NGLY1: variants seen among roughly 807,000 people sequenced by gnomAD.
NGLY1 encodes peptide-N(4)-(N-acetyl-beta-glucosaminyl)asparagine amidase.
A neutral mutation model predicts 84.6 loss-of-function variants in NGLY1; 68 were observed. The observed-to-expected ratio is 0.80, with a 90% CI of 0.66 to 0.98. The LOEUF (loss-of-function observed/expected upper bound fraction) is 0.98, where lower values mean the gene tolerates loss of function less well. NGLY1 is among the 50% of genes least tolerant of loss of function. The pLI is 0.00. For synonymous variants in NGLY1, 280 were observed against 275.2 expected, an observed-to-expected ratio of 1.02 and a Z score of -0.17; for missense variants, 779 against 770.2, an observed-to-expected ratio of 1.01 and a Z score of -0.14.
chr3:25,789,772 T>C, intron 1 of NGLY1: 1 of 1,395,690 alleles, frequency 7.2e-7, no homozygotes, highest in South Asian at 1.2e-5. Flanking sequence ...TCCAGTAGAA[T>C]ACGATGGTGT....
At chr3:25,748,605 C>T (rs1260292195) in intron 4 of NGLY1, among the ~76,000 whole-genome samples, 2 of 152,084 alleles carry the variant, frequency 1.3e-5, no homozygotes, top group African/African-American at 2.4e-5. Flanking sequence ...GAAACTGAGT[C>T]ATAGAGATTA....
In NGLY1 at chr3:25,739,639, C is replaced by T; in HGVS notation, c.819G>A (p.Trp273Ter). The T allele has an allele frequency of 6.2e-7, 1 of 1,614,106 alleles. No individual in the cohort carries two copies. The highest frequency in any genetic ancestry group is 2.2e-5 in the East Asian group (1 of 44,874). Residue 273 changes from tryptophan to a stop codon, truncating the protein, a stop_gained, in exon 5 of 12, where the codon TGG becomes TGA. Coordinates refer to ENST00000280700, the MANE Select transcript of NGLY1 (RefSeq NM_018297.4). LOFTEE classifies it high-confidence loss of function. ...AATGATCTTCCACTTCCTTTGCACC[C>T]CACTTCAGCTCATCATCACTGGGCA... ...SLLPSDDELK[W>*]GAKEVEDHYC...
At chr3:25,720,944 C>A (rs755915437) in intron 10 of NGLY1, among the ~76,000 whole-genome samples, 1 of 133,992 alleles carries the variant, frequency 7.5e-6, no homozygotes, top group Non-Finnish European at 1.7e-5. Context: ...TGAATTCCCA[C>A]AAAATTCTAT....
At chr3:25,777,073 A>T (rs941534821) in intron 2 of NGLY1, among the ~76,000 whole-genome samples, 3 of 152,198 alleles carry the variant, frequency 2.0e-5, no homozygotes, top group Non-Finnish European at 4.4e-5. Flanking sequence ...AGCAAGCTAG[A>T]ATAATCTTCA....
chr3:25,747,070 A>G (rs1258178844), intron 4 of NGLY1, among the ~76,000 whole-genome samples: 1 of 152,238 alleles, frequency 6.6e-6, no homozygotes, highest in Admixed American at 6.5e-5. Context: ...ATAATGTTTT[A>G]AAAATTATAC....
chr3:25,789,965 GA>G, exon 1 of NGLY1: 2 of 1,435,580 alleles, frequency 1.4e-6, no homozygotes, highest in Non-Finnish European at 1.9e-6. Flanking sequence ...CCCACGGTCT[GA>G]CCTCAGCCAA....
chr3:25,781,395 C>T (rs1022005953), intron 1 of NGLY1, among the ~76,000 whole-genome samples: 2 of 152,112 alleles, frequency 1.3e-5, no homozygotes, highest in African/African-American at 4.8e-5. Context: ...GTAAACTGAC[C>T]GTGGTTTTGT....
At chr3:25,755,565 G>T (rs1706996862) in intron 3 of NGLY1, 2 of 1,434,778 alleles carry the variant, frequency 1.4e-6, no homozygotes, top group East Asian at 4.5e-5. Flanking sequence ...CTCAATGATT[G>T]GGCCCAAAAA....
upstream of NGLY1, among the ~76,000 whole-genome samples, chr3:25,786,477 T>C (rs1708605966): frequency 6.6e-6 from 1 of 152,220 alleles, no homozygotes; most frequent in African/African-American, 2.4e-5. Context: ...ACCCATTCTT[T>C]GGTTGTTTGA....
chr3:25,781,596 C>T (rs761202608), intron 1 of NGLY1, among the ~76,000 whole-genome samples: 1 of 152,128 alleles, frequency 6.6e-6, no homozygotes, highest in Non-Finnish European at 1.5e-5. Flanking sequence ...ATTGTCACAC[C>T]CCTCATCTTT....
At chr3:25,739,844 A>T (rs761123951) in intron 4 of NGLY1, 45 bp from the exon 5 acceptor site, 1 of 1,378,970 alleles carries the variant, frequency 7.3e-7, no homozygotes, top group East Asian at 2.3e-5. Flanking sequence ...AACTGACAAA[A>T]TTTAAACTAT....
chr3:25,734,866 G>A, intron 7 of NGLY1: 2 of 905,386 alleles, frequency 2.2e-6, no homozygotes, highest in Non-Finnish European at 2.6e-6. Flanking sequence ...AAATTTATCT[G>A]CAAAGCTGAT....
Position 25,755,704 on chromosome 3 carries a change from A to G in NGLY1, c.493-4441T>C, listed in dbSNP as rs1707004741. The G allele has an allele frequency of 8.9e-6, 12 of 1,355,304 alleles. No homozygotes were observed. In the South Asian group the frequency reaches 1.6e-4, roughly 19 times the overall value. 84.0% of individuals were successfully genotyped at this position (1,355,304 alleles called of 1,614,324 possible). A position where few individuals can be genotyped will look rare whatever the true frequency, so the allele number is the denominator to read the frequency against. On this transcript the variant is annotated intron_variant, in intron 3 of 11. Coordinates refer to ENST00000280700, the MANE Select transcript of NGLY1 (RefSeq NM_018297.4). The stretch of plus-strand genomic sequence containing the variant: ...AGGAATTATAGTCTAGTCTAGATGC[A>G]TTTCAAAAGGAAAGCTGGTTTTGAG...
chr3:25,728,079 A>G (rs1705349592), intron 10 of NGLY1, among the ~76,000 whole-genome samples: 1 of 152,190 alleles, frequency 6.6e-6, no homozygotes, highest in Non-Finnish European at 1.5e-5. Flanking sequence ...TCCAAAATTT[A>G]GAATAATCCT....
In NGLY1 at chr3:25,733,789, A is replaced by G. The variant is rs181925924; in HGVS notation, c.1260+83T>C. ...TATAAAACAATGCTACTACTTTAAGAATTTCAATAGGCTAATAAACGGCTA... is the reference window on the plus strand; with the variant it reads ...TATAAAACAATGCTACTACTTTAAGGATTTCAATAGGCTAATAAACGGCTA... On this transcript the variant is annotated intron_variant, in intron 8 of 11. Coordinates refer to ENST00000280700, the MANE Select transcript of NGLY1 (RefSeq NM_018297.4). 4.7e-4 allele frequency: 346 copies of G among 734,402 alleles called. 2 individuals are homozygous for G. In the African/African-American group the frequency reaches 5.7e-3, roughly 12 times the overall value. 45.5% of individuals were successfully genotyped at this position (734,402 alleles called of 1,614,324 possible).
rs1183977702 is a variant in NGLY1 at position 25,764,403 on chromosome 3, A to G, written c.247-92T>C. ...CACACAGAAATGTATAATGAAACCA[A>G]TAATATAGAATGCATGTTTCTAAAA... On this transcript the variant is annotated intron_variant, in intron 2 of 11. Transcript: ENST00000280700. 4 of 1,269,312 alleles carry G rather than the reference A, an allele frequency of 3.2e-6. No individual in the cohort carries two copies. The African/African-American group carries it at 4.5e-5, about 14-fold the overall frequency. The allele number at this position is 1,269,312 out of a possible 1,614,324, so 78.6% of individuals were successfully genotyped here. A position where few individuals can be genotyped will look rare whatever the true frequency, so the allele number is the denominator to read the frequency against.
chr3:25,750,988 AC>A, intron 4 of NGLY1, 109 bp downstream of exon 4: 1 of 1,040,990 alleles, frequency 9.6e-7, no homozygotes, highest in South Asian at 1.7e-5. Flanking sequence ...ATATAAGTGG[AC>A]CCATGCAGTT....
chr3:25,739,311 C>A (rs1336800466), intron 5 of NGLY1, among the ~76,000 whole-genome samples: 2 of 152,080 alleles, frequency 1.3e-5, no homozygotes, highest in Non-Finnish European at 2.9e-5. Flanking sequence ...TGGGTCATAT[C>A]ATTTCTGTCA....
chr3:25,760,317 A>G (rs78753947), intron 3 of NGLY1, among the ~76,000 whole-genome samples: 2 of 152,282 alleles, frequency 1.3e-5, no homozygotes, highest in East Asian at 3.9e-4. Flanking sequence ...TCAAAATATT[A>G]CACATATACA....
Sources: allele counts gnomAD v4.1 joint callset (sites outside exome capture counted in the v4.1 genomes callset), GRCh38; gene constraint gnomAD v4.1.1; transcripts MANE v1.5; gene names NCBI Gene and HGNC (gene_info 2026-07-23, HGNC 2026-07-21).